The following MAPK4 variants were observed in gnomAD, a reference collection of about 807,000 sequenced individuals.
MAPK4 encodes the protein mitogen-activated protein kinase 4.
In MAPK4, 22 loss-of-function variants were observed where a neutral mutation model predicts 47.7. The observed-to-expected ratio is 0.46, with a 90% confidence interval of 0.33 to 0.66. MAPK4 has a LOEUF of 0.66. Ranked by LOEUF, MAPK4 falls within the 30% of genes least tolerant of loss-of-function variation. The pLI, the probability that MAPK4 is intolerant of heterozygous loss-of-function variation, is 0.02. For missense variants in MAPK4, 736 were observed against 831.7 expected, an observed-to-expected ratio of 0.88 and a Z score of 1.42; for synonymous variants, 390 against 365.7, an observed-to-expected ratio of 1.07 and a Z score of -0.76.
At chr18:50,719,903 CAGCCA>C (rs1346207830) in intron 3 of MAPK4, among the ~76,000 whole-genome samples, 1 of 152,200 alleles carries the variant, frequency 6.6e-6, no homozygotes, top group Non-Finnish European at 1.5e-5. Context: ...TCAGCCAGGG[CAGCCA>C]AACAGCTCTC....
At chr18:50,682,982 A>G (rs1411401351) in intron 2 of MAPK4, among the ~76,000 whole-genome samples, 1 of 152,238 alleles carries the variant, frequency 6.6e-6, no homozygotes, top group Non-Finnish European at 1.5e-5. Flanking sequence ...AATGAAGTAA[A>G]TTCTGTGTGG....
At position 50,663,923 on chromosome 18, in the gene MAPK4, G is replaced by A; in HGVS notation, c.-36G>A. On this transcript the variant is annotated 5_prime_UTR_variant, in exon 2 of 6. The change creates a new upstream start codon in the 5' untranslated region. Transcript: ENST00000400384. ...GACTTGGCCTTTCCTGACTGCCCCT[G>A]TGTTACCTGGGCAGCTCCAGATCAC... 1 of 1,575,194 alleles carries A rather than the reference G, an allele frequency of 6.3e-7. No homozygotes were observed.
intron 1 of MAPK4, among the ~76,000 whole-genome samples, chr18:50,603,024 C>T (rs549921359): frequency 6.4e-4 from 98 of 152,268 alleles, no homozygotes; most frequent in Non-Finnish European, 1.1e-3. Flanking sequence ...TCATCCAAGA[C>T]CTGCTTAAAT....
At chr18:50,601,570 T>C (rs762446934) in intron 1 of MAPK4, among the ~76,000 whole-genome samples, 2 of 152,126 alleles carry the variant, frequency 1.3e-5, no homozygotes, top group South Asian at 2.1e-4. Flanking sequence ...TGCAGGTGGT[T>C]GTCCACTGAG....
intron 2 of MAPK4, among the ~76,000 whole-genome samples, chr18:50,712,447 C>CA (rs1334873817): frequency 1.3e-5 from 2 of 150,992 alleles, no homozygotes; most frequent in South Asian, 2.1e-4. Flanking sequence ...CAAAAACAAA[C>CA]AAAAAATCCA....
intron 1 of MAPK4, among the ~76,000 whole-genome samples, chr18:50,578,133 C>G (rs1452540268): frequency 1.3e-5 from 2 of 152,074 alleles, no homozygotes; most frequent in Admixed American, 1.3e-4. Flanking sequence ...CTGTTTAGTC[C>G]AAGGCGTAAG....
Position 50,664,237 on chromosome 18 carries a change from T to C in MAPK4, c.279T>C (p.Gly93=). ...GTCCCAAGGGCACTGACCTGCAGGG[T>C]GAGCTGTTCAAGTTCAGCGTGGCGT... ...VLGPKGTDLQ[G]ELFKFSVAYI... Residue 93 remains glycine, a synonymous_variant, in exon 2 of 6, where the codon GGT becomes GGC. Transcript: ENST00000400384. This position sits in a 1 kb window ranked among gnomAD's most constrained non-coding sequence, Gnocchi z 6.0. 1 of 1,613,780 alleles carries C rather than the reference T, an allele frequency of 6.2e-7. No homozygotes were observed. The highest frequency in any genetic ancestry group is 8.5e-7 in the Non-Finnish European group (1 of 1,179,976).
chr18:50,671,062 A>G (rs1358330292), intron 2 of MAPK4, among the ~76,000 whole-genome samples: 1 of 152,204 alleles, frequency 6.6e-6, no homozygotes, highest in Non-Finnish European at 1.5e-5. Context: ...CAGCACAATG[A>G]AGGAGACTAA....
chr18:50,573,570 T>C (rs2042268605), intron 1 of MAPK4, among the ~76,000 whole-genome samples: 1 of 152,192 alleles, frequency 6.6e-6, no homozygotes, highest in Non-Finnish European at 1.5e-5. Context: ...GACTGTCTAG[T>C]TACAGGAAAA....
At chr18:50,579,082 GT>G (rs1410011370) in intron 1 of MAPK4, among the ~76,000 whole-genome samples, 4 of 152,190 alleles carry the variant, frequency 2.6e-5, no homozygotes, top group Non-Finnish European at 5.9e-5. Flanking sequence ...CTGGAGCACA[GT>G]AGCTGGGGCT....
At chr18:50,583,015 T>C (rs1344713960) in intron 1 of MAPK4, among the ~76,000 whole-genome samples, 1 of 152,240 alleles carries the variant, frequency 6.6e-6, no homozygotes, top group Non-Finnish European at 1.5e-5. Context: ...ACAGCTCTTT[T>C]CGTTCCTGCT....
chr18:50,646,747 C>T (rs573573916), intron 1 of MAPK4, among the ~76,000 whole-genome samples: 6 of 152,318 alleles, frequency 3.9e-5, no homozygotes, highest in Admixed American at 6.5e-5. Flanking sequence ...GATTTTTCTA[C>T]CTGTGGCCTC....
chr18:50,670,633 T>A (rs1337523542), intron 2 of MAPK4, among the ~76,000 whole-genome samples: 1 of 151,952 alleles, frequency 6.6e-6, no homozygotes, highest in African/African-American at 2.4e-5. Flanking sequence ...GGTGTGTGCC[T>A]GTAGTTTCAG....
At chr18:50,727,926 G>A (rs965095340) in intron 5 of MAPK4, among the ~76,000 whole-genome samples, 2 of 152,144 alleles carry the variant, frequency 1.3e-5, no homozygotes, top group Non-Finnish European at 1.5e-5. Flanking sequence ...AGCAGCCAAG[G>A]GTCAGCGTCT....
intron 2 of MAPK4, among the ~76,000 whole-genome samples, chr18:50,672,300 A>G (rs1028650203): frequency 8.5e-5 from 13 of 152,248 alleles, no homozygotes; most frequent in African/African-American, 2.9e-4. Context: ...GGGCTCAGCT[A>G]GCAGGAAAGG....
At chr18:50,685,150 A>G (rs973098502) in intron 2 of MAPK4, among the ~76,000 whole-genome samples, 3 of 152,092 alleles carry the variant, frequency 2.0e-5, no homozygotes, top group African/African-American at 7.2e-5. Flanking sequence ...TCTGCTCCCA[A>G]CTCACCAAGT....
chr18:50,575,761 A>T lies in MAPK4; in HGVS notation c.-871+15518A>T, dbSNP rs1030058116. Among the ~76,000 whole-genome samples, 6 of 150,998 alleles carry T rather than the reference A, an allele frequency of 4.0e-5. No homozygotes were observed. The East Asian group carries it at 9.7e-4, about 24-fold the overall frequency. ...ACAAAGGTCTATCAATAATATCCAG[A>T]ATCTATTAGGAACTTAAATGAATCA... On this transcript the variant is annotated intron_variant, in intron 1 of 5. Coordinates refer to ENST00000400384, the MANE Select transcript of MAPK4 (RefSeq NM_002747.4).
At chr18:50,673,105 C>T (rs988598669) in intron 2 of MAPK4, among the ~76,000 whole-genome samples, 3 of 151,848 alleles carry the variant, frequency 2.0e-5, no homozygotes, top group African/African-American at 7.3e-5. Flanking sequence ...GGTGAAACCC[C>T]ATCTTTACCA....
chr18:50,729,355 C>G lies in MAPK4; in HGVS notation c.1265C>G (p.Ala422Gly). The G allele has an allele frequency of 6.3e-7, 1 of 1,581,262 alleles. No homozygotes were observed. The highest frequency in any genetic ancestry group is 8.6e-7 in the Non-Finnish European group (1 of 1,164,460). The change falls in exon 6 of 6, where the codon GCC (alanine) becomes GGC (glycine). Residue 422 changes from alanine to glycine, a missense_variant. Transcript: ENST00000400384. ...SHSSMERAFEADYGRSCDYKV... is the reference protein window; with the variant it reads ...SHSSMERAFEGDYGRSCDYKV... ...TCGTCCATGGAGCGCGCCTTCGAGG[C>G]CGACTACGGGCGCTCCTGCGACTAC...
Sources: allele counts gnomAD v4.1 joint callset (sites outside exome capture counted in the v4.1 genomes callset), GRCh38; gene constraint gnomAD v4.1.1; non-coding constraint Gnocchi (gnomAD v3.1); transcripts MANE v1.5; gene names NCBI Gene and HGNC (gene_info 2026-07-23, HGNC 2026-07-21).